SLC36A2: variants seen among roughly 807,000 people sequenced by gnomAD.
SLC36A2 encodes the protein solute carrier family 36 member 2.
Under a neutral mutation model 42.7 loss-of-function variants are expected in SLC36A2, and 39 were observed. The ratio of observed to expected loss-of-function variants is 0.91; its 90% CI spans 0.71 to 1.19. SLC36A2 has a LOEUF of 1.19. SLC36A2 is among the 50% of genes most tolerant of loss of function. The pLI is 0.00. For missense variants in SLC36A2, 590 were observed against 613.7 expected (o/e 0.96, Z 0.41); for synonymous variants, 237 against 240.8 (o/e 0.98, Z 0.15).
intron 9 of SLC36A2, chr5:151,319,289 T>C (rs192283686): frequency 5.4e-6 from 1 of 185,118 alleles, no homozygotes; most frequent in Non-Finnish European, 1.0e-5. Context: ...TTCCTTGATC[T>C]GTCTGGAATA....
intron 7 of SLC36A2, among the ~76,000 whole-genome samples, chr5:151,332,103 G>T (rs531279860): frequency 6.6e-6 from 1 of 152,208 alleles, no homozygotes; most frequent in East Asian, 1.9e-4. Flanking sequence ...CTGACCTCAA[G>T]TGATCTGCCT....
intron 8 of SLC36A2, among the ~76,000 whole-genome samples, chr5:151,323,264 T>C (rs1035847536): frequency 6.7e-6 from 1 of 149,000 alleles, no homozygotes; most frequent in African/African-American, 2.6e-5. Context: ...GATAAATAAA[T>C]AAATAAATAA....
intron 5 of SLC36A2, among the ~76,000 whole-genome samples, chr5:151,336,872 C>G (rs756240014): frequency 7.2e-5 from 11 of 152,164 alleles, no homozygotes; most frequent in Non-Finnish European, 1.3e-4. Context: ...CATTGATAAT[C>G]TCAGTATCAA....
intron 7 of SLC36A2, among the ~76,000 whole-genome samples, chr5:151,331,275 A>ATTTCTTTC (rs371332793): frequency 4.0e-5 from 6 of 151,418 alleles, no homozygotes; most frequent in Non-Finnish European, 7.4e-5. Flanking sequence ...ATGACCTATG[A>ATTTCTTTC]TTTCTTTCTT....
chr5:151,335,180 C>T, intron 6 of SLC36A2, 149 bp downstream of exon 6: 4 of 656,268 alleles, frequency 6.1e-6, no homozygotes, highest in Non-Finnish European at 1.1e-5. Flanking sequence ...ACGGAGACAT[C>T]CTTGTAGAAG....
intron 8 of SLC36A2, among the ~76,000 whole-genome samples, chr5:151,324,293 C>G (rs112356890): frequency 3.2e-4 from 48 of 151,560 alleles, no homozygotes; most frequent in Admixed American, 6.6e-4. Context: ...TAGGTGTGTG[C>G]CACCATGCCT....
chr5:151,325,090 T>C (rs1214833877), intron 8 of SLC36A2, 196 bp downstream of exon 8: 1 of 686,858 alleles, frequency 1.5e-6, no homozygotes, highest in Non-Finnish European at 2.6e-6. Flanking sequence ...AAGGCTTAAC[T>C]CAATTTGGGA....
rs761196153 is a variant in SLC36A2, at chr5:151,317,021, G to A, written c.1248C>T (p.Thr416=). ...VISLVGSVSG[T]ALALIIPPLL... is the part of the protein sequence containing the mutation. ...GCGGTGGGATGATGAGGGCCAGGGC[G>A]GTGCCACTCACGGAGCCCACCAGGG... is the stretch of plus-strand genomic sequence containing the variant. The change falls in exon 10 of 10, where the codon ACC becomes ACT. Residue 416 remains threonine, a synonymous_variant. Transcript: ENST00000335244. 3 of 1,613,988 alleles carry A rather than the reference G, an allele frequency of 1.9e-6. No homozygotes were observed. The highest frequency in any genetic ancestry group is 2.5e-6 in the Non-Finnish European group (3 of 1,180,014).
intron 4 of SLC36A2, among the ~76,000 whole-genome samples, chr5:151,340,521 AC>A (rs2127297620): frequency 6.6e-6 from 1 of 152,314 alleles, no homozygotes; most frequent in East Asian, 1.9e-4. Flanking sequence ...ACAGTGTTCA[AC>A]CCTGGAGAAC....
Position 151,347,353 on chromosome 5 carries a change from T to C in SLC36A2, c.108A>G (p.Thr36=), listed in dbSNP as rs1215462799. 2 of 1,614,122 alleles carry C rather than the reference T, an allele frequency of 1.2e-6. No homozygotes were observed. The highest frequency in any genetic ancestry group is 1.7e-6 in the Non-Finnish European group (2 of 1,180,038). Residue 36 remains threonine (T), a synonymous_variant, in exon 1 of 10, where the codon ACA becomes ACG. Coordinates refer to ENST00000335244, the MANE Select transcript of SLC36A2 (RefSeq NM_181776.3). ...ACTCTGAAGGACTTTCATCCAAGAA[T>C]GTAGAGTCCTTGTTCTCCAACTTCT... ...SAKKLENKDS[T]FLDESPSESA... is the part of the protein sequence containing the mutation.
chr5:151,317,454 T>TAAA (rs34665919), intron 9 of SLC36A2, among the ~76,000 whole-genome samples: 3 of 135,772 alleles, frequency 2.2e-5, no homozygotes, highest in African/African-American at 8.1e-5. Flanking sequence ...CCTATCTCAT[T>TAAA]AAAAAAAAAA....
chr5:151,322,055 A>C lies in SLC36A2; in HGVS notation c.1171T>G (p.Cys391Gly). Residue 391 changes from cysteine (C) to glycine (G), a missense_variant, in exon 9 of 10, where the codon TGC becomes GGC. Coordinates refer to ENST00000335244, the MANE Select transcript of SLC36A2 (RefSeq NM_181776.3). ...TCTCCTTTCTACTCACATGTCAGGC[A>C]GACCATGACGAGGCGAATGGACAGA... is the stretch of plus-strand genomic sequence containing the variant. ...LDLSIRLVMV[C>G]LTCLLAILIP... The C allele has an allele frequency of 6.2e-7, 1 of 1,614,224 alleles. No homozygotes were observed. The highest frequency in any genetic ancestry group is 8.5e-7 in the Non-Finnish European group (1 of 1,180,020).
In SLC36A2 at chr5:151,342,957, C is replaced by G; in HGVS notation, c.371G>C (p.Gly124Ala). 1 of 1,614,032 alleles carries G rather than the reference C, an allele frequency of 6.2e-7. No individual in the cohort carries two copies. Among genetic ancestry groups the G allele is most frequent in the African/African-American group, 1.3e-5 (1 of 75,022 alleles). ...KRLNKPFMDY[G>A]DTVMHGLEAN... ...TTCTAGTCCATGCATCACCGTGTCC[C>G]CATAGTCCATAAAGGGCTTGTTAAG... Residue 124 changes from glycine (G) to alanine (A), a missense_variant, in exon 4 of 10, where the codon GGG becomes GCG. Transcript: ENST00000335244.
intron 8 of SLC36A2, among the ~76,000 whole-genome samples, chr5:151,324,184 C>T (rs1755785284): frequency 6.6e-6 from 1 of 152,144 alleles, no homozygotes; most frequent in South Asian, 2.1e-4. Context: ...TCTCTGCCGC[C>T]CAGGCTGGAG....
intron 4 of SLC36A2, among the ~76,000 whole-genome samples, chr5:151,340,180 G>GGA (rs1756290774): frequency 2.4e-5 from 3 of 123,022 alleles, no homozygotes; most frequent in Admixed American, 2.2e-4. Context: ...AGGAGGAGGA[G>GGA]GAGGAAGAGG....
rs771998325 is a variant in SLC36A2, at chr5:151,325,113, A to G, written c.1010+173T>C. 3 of 764,774 alleles carry G rather than the reference A, an allele frequency of 3.9e-6. No individual in the cohort carries two copies. In the Admixed American group the frequency reaches 6.1e-5, roughly 16 times the overall value. 47.4% of individuals were successfully genotyped at this position (764,774 alleles called of 1,614,324 possible). On this transcript the variant is annotated intron_variant, in intron 8 of 9. Coordinates refer to ENST00000335244, the MANE Select transcript of SLC36A2 (RefSeq NM_181776.3). ...ACTCAATTTGGGAGGCTGTTGTTGA[A>G]GGAGGAACTCCCAGGACAGAGAATC...
intron 8 of SLC36A2, among the ~76,000 whole-genome samples, chr5:151,324,556 T>C (rs886963732): frequency 2.8e-4 from 42 of 152,162 alleles, no homozygotes; most frequent in African/African-American, 9.4e-4. Context: ...GGTCTTGAAC[T>C]CCTGACCTCA....
intron 4 of SLC36A2, among the ~76,000 whole-genome samples, chr5:151,342,310 C>T (rs12654497): frequency 0.28 from 42,663 of 151,850 alleles, 7,111 homozygotes; most frequent in African/African-American, 0.46. Context: ...CAGGGACCTT[C>T]ACACCCTCTC....
At chr5:151,343,148 T>G (rs940422438) in intron 3 of SLC36A2, among the ~76,000 whole-genome samples, 165 bp from the exon 4 acceptor site, 8 of 152,190 alleles carry the variant, frequency 5.3e-5, no homozygotes, top group African/African-American at 1.9e-4. Context: ...CCTCAGTGGC[T>G]TGTTTTCCTT....
Sources: gnomAD v4.1 joint callset for allele counts (sites outside exome capture counted in the v4.1 genomes callset) on GRCh38, gnomAD v4.1.1 for gene constraint, MANE v1.5 for transcripts, NCBI Gene and HGNC (gene_info 2026-07-23, HGNC 2026-07-21) for gene names.